Variants in XKR5 observed in about 807,000 individuals in gnomAD.
The protein encoded by XKR5 is XK-related protein 5.
A neutral mutation model predicts 40.8 loss-of-function variants in XKR5; 46 were observed. That is an observed-to-expected ratio of 1.13 (90% CI 0.89 to 1.44). The LOEUF (loss-of-function observed/expected upper bound fraction) is 1.44. Ranked by LOEUF, XKR5 falls within the 40% of genes most tolerant of loss-of-function variation. The pLI is 0.00. For synonymous variants in XKR5, 466 were observed against 356.1 expected (o/e 1.31, Z -3.48); for missense variants, 1,169 against 844.7 (o/e 1.38, Z -4.76).
At chr8:6,814,535 C>A (rs907672454) in intron 6 of XKR5, among the ~76,000 whole-genome samples, 2 of 152,130 alleles carry the variant, frequency 1.3e-5, no homozygotes, top group African/African-American at 4.8e-5. Context: ...AAGGGTTCTC[C>A]CTGCACCTCG....
rs1803695918 is a variant in XKR5 at position 6,811,657 on chromosome 8, C to T, written c.1602G>A (p.Gly534=). Residue 534 remains glycine, a synonymous_variant, in exon 7 of 7, where the codon GGG becomes GGA. Coordinates refer to ENST00000618742, the MANE Select transcript of XKR5 (RefSeq NM_207411.5). ...ACAACGTGGAACTCTGCTGTCCTTC[C>T]CCTCCTCTCTGCTGCCCACCTGTCC... ...GKGTGGQQRG[G]EGQQSSTLYF... 1.3e-6 allele frequency: 2 copies of T among 1,537,618 alleles called. No individual in the cohort carries two copies. The highest frequency in any genetic ancestry group is 1.7e-6 in the Non-Finnish European group (2 of 1,147,014).
At chr8:6,819,822 C>A (rs1804143947) in intron 5 of XKR5, among the ~76,000 whole-genome samples, 1 of 118,694 alleles carries the variant, frequency 8.4e-6, no homozygotes, top group African/African-American at 3.0e-5. Context: ...CCTTCCTCTT[C>A]CCTACCTTCC....
chr8:6,827,700 G>T (rs183993458), intron 2 of XKR5, among the ~76,000 whole-genome samples: 15 of 152,254 alleles, frequency 9.9e-5, no homozygotes, highest in Admixed American at 5.9e-4. Context: ...CCTGACATGG[G>T]GTAGTTTCCT....
At position 6,817,266 on chromosome 8, in the gene XKR5, T is replaced by A. The variant is rs150484661; in HGVS notation, c.808-1348A>T. Among the ~76,000 whole-genome samples, 820 of 152,260 alleles carry A rather than the reference T, an allele frequency of 5.4e-3. 4 individuals carry two copies. The highest frequency in any genetic ancestry group is 0.019 in the African/African-American group (774 of 41,552). Reference sequence around the variant, plus strand: ...CGATGCACCTTGAAACAGCCCCACCTTAACTTCAGGATCCAGTCCCTACTT... The same window carrying A: ...CGATGCACCTTGAAACAGCCCCACCATAACTTCAGGATCCAGTCCCTACTT... On this transcript the variant is annotated intron_variant, in intron 5 of 6. Coordinates refer to ENST00000618742, the MANE Select transcript of XKR5 (RefSeq NM_207411.5).
Position 6,832,796 on chromosome 8 carries a change from G to T in XKR5, c.163C>A (p.Leu55Met). 6.2e-7 allele frequency: 1 copy of T among 1,613,082 alleles called. No homozygotes were observed. Among genetic ancestry groups the T allele is most frequent in the Non-Finnish European group, 8.5e-7 (1 of 1,179,582 alleles). ...GGATGCCCGTCTGCTCGGAACCACAGGTAGCTCAGGGCCTGGACCAAGAAC... is the reference window on the plus strand; with the variant it reads ...GGATGCCCGTCTGCTCGGAACCACATGTAGCTCAGGGCCTGGACCAAGAAC... ...PGFLVQALSY[L>M]WFRADGHPGH... The change falls in exon 2 of 7, where the codon CTG becomes ATG. Residue 55 changes from leucine to methionine, a missense_variant. Leu to Met is a conservative substitution (Grantham distance 15). Transcript: ENST00000618742.
At chr8:6,829,023 C>T (rs1343859828) in intron 2 of XKR5, 3 of 152,232 alleles carry the variant, frequency 2.0e-5, no homozygotes, top group Admixed American at 6.5e-5. Flanking sequence ...CCTGTTCCCT[C>T]CCTACATTGA....
At chr8:6,827,142 G>C (rs1293483417) in intron 2 of XKR5, among the ~76,000 whole-genome samples, 1 of 152,110 alleles carries the variant, frequency 6.6e-6, no homozygotes, top group African/African-American at 2.4e-5. Context: ...GGGCTCTCAG[G>C]CTTCGAGTCT....
At chr8:6,834,059 C>G (rs897835228) in intron 1 of XKR5, among the ~76,000 whole-genome samples, 1 of 152,138 alleles carries the variant, frequency 6.6e-6, no homozygotes, top group African/African-American at 2.4e-5. Context: ...TGTGGGGTCC[C>G]TTTTCTCCTA....
chr8:6,818,279 T>C (rs1804058255), intron 5 of XKR5, among the ~76,000 whole-genome samples: 1 of 152,218 alleles, frequency 6.6e-6, no homozygotes, highest in Non-Finnish European at 1.5e-5. Context: ...CAGGTGAACC[T>C]TGCTCACCAC....
rs1181032089 is a variant in XKR5 at position 6,817,264 on chromosome 8, C to T, written c.808-1346G>A. Among the ~76,000 whole-genome samples, 3 of 152,180 alleles carry T rather than the reference C, an allele frequency of 2.0e-5. No individual in the cohort carries two copies. The East Asian group carries it at 5.8e-4, about 29-fold the overall frequency. On this transcript the variant is annotated intron_variant, in intron 5 of 6. Coordinates refer to ENST00000618742, the MANE Select transcript of XKR5 (RefSeq NM_207411.5). Reference sequence around the variant, plus strand: ...CCCGATGCACCTTGAAACAGCCCCACCTTAACTTCAGGATCCAGTCCCTAC... The same window carrying T: ...CCCGATGCACCTTGAAACAGCCCCATCTTAACTTCAGGATCCAGTCCCTAC...
In XKR5 at chr8:6,821,883, C is replaced by T. The variant is rs762213216; in HGVS notation, c.793G>A (p.Val265Ile). 1.9e-6 allele frequency: 3 copies of T among 1,613,196 alleles called. No individual in the cohort carries two copies. The highest frequency in any genetic ancestry group is 2.2e-5 in the East Asian group (1 of 44,890). The change falls in exon 5 of 7, where the codon GTC becomes ATC. Residue 265 changes from valine to isoleucine, a missense_variant. Val to Ile is a conservative substitution (Grantham distance 29). Transcript: ENST00000618742. The part of the protein sequence containing the change: ...FWDSPSRNRM[V>I]TFYMVMLLEN... Reference sequence around the variant, plus strand: ...GTGCCACTTGCCATGTAGAACGTGACCATCCTATTTCTAGAAGGGCTGTCC... The same window carrying T: ...GTGCCACTTGCCATGTAGAACGTGATCATCCTATTTCTAGAAGGGCTGTCC...
intron 2 of XKR5, among the ~76,000 whole-genome samples, chr8:6,832,008 C>T (rs915773237): frequency 5.6e-4 from 54 of 96,756 alleles, no homozygotes; most frequent in Middle Eastern, 6.8e-3. Context: ...GAGTGAGACT[C>T]CATCTCAAAA....
At chr8:6,825,412 C>G in intron 2 of XKR5, 63 bp from the exon 3 acceptor site, 1 of 1,437,602 alleles carries the variant, frequency 7.0e-7, no homozygotes, top group Non-Finnish European at 9.2e-7. Flanking sequence ...ATAGGACGAG[C>G]TTTCATTTAG....
Position 6,822,035 on chromosome 8 carries a change from G to A in XKR5, c.641C>T (p.Ala214Val), listed in dbSNP as rs765312421. The A allele has an allele frequency of 1.7e-5, 28 of 1,603,432 alleles. No homozygotes were observed. In the South Asian group the frequency reaches 2.9e-4, roughly 17 times the overall value. ...YHFWVFVVAG[A>V]HWLVMTFWLV... ...CCAGAATGTCATCACCAGCCAGTGGGCACCTGCAGAGAAGCCGGGTGCAGA... is the reference window on the plus strand; with the variant it reads ...CCAGAATGTCATCACCAGCCAGTGGACACCTGCAGAGAAGCCGGGTGCAGA... The change falls in exon 5 of 7, where the codon GCC (alanine) becomes GTC (valine). Residue 214 changes from alanine (A) to valine (V), a missense_variant. By Grantham distance (64) the Ala-to-Val change is moderately conservative. Coordinates refer to ENST00000618742, the MANE Select transcript of XKR5 (RefSeq NM_207411.5).
At chr8:6,828,083 AG>A (rs1193846190) in intron 2 of XKR5, among the ~76,000 whole-genome samples, 5 of 152,114 alleles carry the variant, frequency 3.3e-5, no homozygotes, top group African/African-American at 4.8e-5. Context: ...AAAAAAGAAA[AG>A]GGGGGAAGTG....
At chr8:6,826,945 A>G (rs1419368017) in intron 2 of XKR5, among the ~76,000 whole-genome samples, 1 of 152,178 alleles carries the variant, frequency 6.6e-6, no homozygotes, top group African/African-American at 2.4e-5. Flanking sequence ...GCTCTCGGAA[A>G]AGGAATCAAG....
chr8:6,831,816 C>T (rs1804777432), intron 2 of XKR5, among the ~76,000 whole-genome samples: 1 of 152,130 alleles, frequency 6.6e-6, no homozygotes, highest in African/African-American at 2.4e-5. Flanking sequence ...GAGACCGAGA[C>T]GATGCTGGCT....
At chr8:6,816,839 G>C (rs192904083) in intron 5 of XKR5, among the ~76,000 whole-genome samples, 4 of 151,376 alleles carry the variant, frequency 2.6e-5, no homozygotes, top group East Asian at 3.9e-4. Context: ...CAAAAGATTT[G>C]CCAGGTTATT....
rs113306595 is a variant in XKR5 at position 6,812,055 on chromosome 8, G to A, written c.1204C>T (p.His402Tyr). ...QVAVEDSFLS[H>Y]HHWLWVKLAL... ...AGTTTCACCCACAGCCAGTGGTGAT[G>A]ACTGAGGAAAGAGTCCTCCACAGCA... is the stretch of plus-strand genomic sequence containing the variant. Residue 402 changes from histidine (H) to tyrosine (Y), a missense_variant, in exon 7 of 7, where the codon CAT becomes TAT. Transcript: ENST00000618742. 1.7e-3 allele frequency: 2,662 copies of A among 1,539,270 alleles called. 3 individuals carry two copies. Among genetic ancestry groups the A allele is most frequent in the Non-Finnish European group, 2.0e-3 (2,292 of 1,146,944 alleles).
Sources: gnomAD v4.1 joint callset for allele counts (sites outside exome capture counted in the v4.1 genomes callset) on GRCh38, gnomAD v4.1.1 for gene constraint, MANE v1.5 for transcripts, NCBI Gene and HGNC (gene_info 2026-07-23, HGNC 2026-07-21) for gene names.